Variants in CEP112 observed in about 807,000 individuals in gnomAD.
CEP112 encodes the protein centrosomal protein 112.
Under a neutral mutation model 153.0 loss-of-function variants are expected in CEP112, and 127 were observed. That is an observed-to-expected ratio of 0.83 (90% CI 0.72 to 0.96). CEP112 has a LOEUF of 0.96. CEP112 is among the 40% of genes least tolerant of loss of function. CEP112 has a pLI of 0.00. For missense variants in CEP112, 1,089 were observed against 1,101.2 expected (o/e 0.99, Z 0.16); for synonymous variants, 358 against 374.4 (o/e 0.96, Z 0.51).
At chr17:66,110,041 T>G (rs190175819) in intron 6 of CEP112, among the ~76,000 whole-genome samples, 1 of 152,234 alleles carries the variant, frequency 6.6e-6, no homozygotes, top group East Asian at 1.9e-4. Flanking sequence ...ACACCTGTAG[T>G]CCCATCTACT....
At chr17:66,119,461 A>T (rs2069467126) in intron 6 of CEP112, among the ~76,000 whole-genome samples, 1 of 152,234 alleles carries the variant, frequency 6.6e-6, no homozygotes, top group African/African-American at 2.4e-5. Flanking sequence ...ACAATACCAT[A>T]TAAATGCAAT....
chr17:65,695,038 C>T (rs2048290079), intron 23 of CEP112, among the ~76,000 whole-genome samples: 2 of 152,170 alleles, frequency 1.3e-5, no homozygotes, highest in Non-Finnish European at 2.9e-5. Context: ...TTCTTTTCTC[C>T]CAATTAAATC....
At chr17:65,730,746 T>C (rs923456861) in intron 23 of CEP112, among the ~76,000 whole-genome samples, 2 of 151,340 alleles carry the variant, frequency 1.3e-5, no homozygotes, top group Non-Finnish European at 2.9e-5. Flanking sequence ...CCCAATCTTA[T>C]GAAATATTCT....
chr17:65,637,883 T>A (rs1567792618), intron 25 of CEP112, among the ~76,000 whole-genome samples: 2 of 152,192 alleles, frequency 1.3e-5, no homozygotes, highest in African/African-American at 4.8e-5. Context: ...ATTACTGCTT[T>A]CTGGAAACCT....
chr17:66,074,818 G>A (rs1288157696), intron 8 of CEP112, among the ~76,000 whole-genome samples: 4 of 140,700 alleles, frequency 2.8e-5, no homozygotes, highest in East Asian at 2.2e-4. Flanking sequence ...AGCCAAGATC[G>A]TGCCACTGCA....
In CEP112 at chr17:65,659,683, T is replaced by C. The variant is rs556049348; in HGVS notation, c.2698-18618A>G. ...ACAGCAGAGAGAAAAGAATTTTTTG[T>C]TCAATTAAAACTTAGGGAGTGTGAC... On this transcript the variant is annotated intron_variant, in intron 24 of 26. Coordinates refer to ENST00000535342, the MANE Select transcript of CEP112 (RefSeq NM_001199165.4). Among the ~76,000 whole-genome samples, 19 of 152,342 alleles carry C rather than the reference T, an allele frequency of 1.2e-4. No individual in the cohort carries two copies. In the South Asian group the frequency reaches 3.7e-3, roughly 30 times the overall value.
rs576013312 is a variant in CEP112, at chr17:65,853,501, C to T, written c.2164-1467G>A. On this transcript the variant is annotated intron_variant, in intron 20 of 26. Transcript: ENST00000535342. The stretch of plus-strand genomic sequence containing the variant: ...ATCCCAGCACTTTGGGAGGCCGAGG[C>T]GGGTGGATCACAAGGTCAGGAGTTC... 5.3e-5 allele frequency among the ~76,000 whole-genome samples: 8 copies of T among 152,082 alleles called. No homozygotes were observed. In the East Asian group the frequency reaches 7.8e-4, roughly 15 times the overall value.
chr17:66,037,046 T>C (rs575016953), intron 12 of CEP112, among the ~76,000 whole-genome samples: 9 of 152,296 alleles, frequency 5.9e-5, no homozygotes, highest in Admixed American at 4.6e-4. Context: ...TCTAAGCCCC[T>C]TTATTAAAAT....
At chr17:65,692,632 G>C (rs2048167150) in intron 23 of CEP112, among the ~76,000 whole-genome samples, 1 of 152,090 alleles carries the variant, frequency 6.6e-6, no homozygotes, top group African/African-American at 2.4e-5. Flanking sequence ...TTCTTTGCCT[G>C]GAAGTCCCTA....
chr17:66,050,217 T>TG (rs1337906512), intron 12 of CEP112, among the ~76,000 whole-genome samples: 2 of 152,230 alleles, frequency 1.3e-5, no homozygotes, highest in Non-Finnish European at 2.9e-5. Flanking sequence ...CTTCTGGAAA[T>TG]GGATATTGAG....
intron 17 of CEP112, among the ~76,000 whole-genome samples, chr17:65,992,939 TTTTTA>T (rs2063648776): frequency 3.5e-5 from 1 of 28,964 alleles, no homozygotes; most frequent in African/African-American, 3.0e-4. Flanking sequence ...TTGTTTTTTA[TTTTTA>T]CTTTTAAGTT....
intron 6 of CEP112, among the ~76,000 whole-genome samples, chr17:66,111,967 T>G (rs2069069683): frequency 6.6e-6 from 1 of 152,064 alleles, no homozygotes; most frequent in South Asian, 2.1e-4. Flanking sequence ...AAATGATTAG[T>G]CTCCAAAATG....
chr17:66,188,506 C>T (rs1301925216), intron 1 of CEP112, among the ~76,000 whole-genome samples: 1 of 147,720 alleles, frequency 6.8e-6, no homozygotes, highest in Non-Finnish European at 1.5e-5. Flanking sequence ...GTGAAGCTGG[C>T]CCCCCCTTGC....
intron 12 of CEP112, among the ~76,000 whole-genome samples, chr17:66,050,713 T>C (rs2066402712): frequency 6.6e-6 from 1 of 152,114 alleles, no homozygotes; most frequent in Admixed American, 6.5e-5. Flanking sequence ...GGGCCACTTA[T>C]CAGCCCTCTT....
intron 17 of CEP112, among the ~76,000 whole-genome samples, chr17:65,992,955 C>A (rs1040394911): frequency 1.3e-5 from 2 of 151,712 alleles, no homozygotes; most frequent in Non-Finnish European, 2.9e-5. Context: ...CTTTTAAGTT[C>A]GAGGGTACAT....
At chr17:65,763,872 A>AT (rs920529171) in intron 21 of CEP112, among the ~76,000 whole-genome samples, 13 of 151,188 alleles carry the variant, frequency 8.6e-5, no homozygotes, top group Admixed American at 2.6e-4. Context: ...ATGCCTTGTA[A>AT]TTTTTTTTTC....
At chr17:65,980,946 T>G (rs567999896) in intron 17 of CEP112, among the ~76,000 whole-genome samples, 1 of 152,048 alleles carries the variant, frequency 6.6e-6, no homozygotes, top group East Asian at 1.9e-4. Flanking sequence ...CCCAGATAAT[T>G]TTTATGTTTT....
intron 6 of CEP112, among the ~76,000 whole-genome samples, chr17:66,102,567 G>A (rs1425751097): frequency 6.7e-6 from 1 of 149,934 alleles, no homozygotes; most frequent in Non-Finnish European, 1.5e-5. Context: ...GGAGGCCGAG[G>A]TGGGCAGATC....
chr17:65,831,374 A>G (rs1003878523), intron 21 of CEP112, among the ~76,000 whole-genome samples: 1 of 152,038 alleles, frequency 6.6e-6, no homozygotes, highest in Non-Finnish European at 1.5e-5. Context: ...TGGCTAACAC[A>G]GTGAAACCCC....
Sources: allele counts gnomAD v4.1 joint callset (sites outside exome capture counted in the v4.1 genomes callset), GRCh38; gene constraint gnomAD v4.1.1; transcripts MANE v1.5; gene names NCBI Gene and HGNC (gene_info 2026-07-23, HGNC 2026-07-21).